Variants in NRG2 observed in about 807,000 individuals in gnomAD.
NRG2 encodes neuregulin 2, also known as pro-neuregulin-2, membrane-bound isoform.
Under a neutral mutation model 73.9 loss-of-function variants are expected in NRG2, and 27 were observed. The observed-to-expected ratio is 0.37, with a 90% CI of 0.27 to 0.50. NRG2 has a LOEUF of 0.50. Among genes scored for constraint, NRG2 ranks in the 20% least tolerant of loss-of-function variants. The pLI is 0.96. For synonymous variants in NRG2, 532 were observed against 541.0 expected, an observed-to-expected ratio of 0.98 and a Z score of 0.23; for missense variants, 1,126 against 1,210.1, an observed-to-expected ratio of 0.93 and a Z score of 1.03.
At chr5:140,019,892 CA>C (rs1760086838) in intron 1 of NRG2, among the ~76,000 whole-genome samples, 1 of 152,278 alleles carries the variant, frequency 6.6e-6, no homozygotes, top group African/African-American at 2.4e-5. Flanking sequence ...GCTGGGATTA[CA>C]GGCACCTACC....
Position 140,010,908 on chromosome 5 carries a change from C to T in NRG2, c.700+31462G>A, listed in dbSNP as rs536208393. ...TTGTTTAAACATTCTTTGAATCTGG[C>T]CCCCCTTCATAAGGCCTACTGCCTT... On this transcript the variant is annotated intron_variant, in intron 1 of 9. Transcript: ENST00000361474. Among the ~76,000 whole-genome samples, 9 of 152,334 alleles carry T rather than the reference C, an allele frequency of 5.9e-5. No homozygotes were observed. The East Asian group carries it at 7.7e-4, about 13-fold the overall frequency.
At chr5:139,958,496 A>G (rs1754804358) in intron 1 of NRG2, among the ~76,000 whole-genome samples, 1 of 152,242 alleles carries the variant, frequency 6.6e-6, no homozygotes, top group Admixed American at 6.5e-5. Flanking sequence ...TGAAAAGGAA[A>G]ACATAACTAT....
At chr5:139,929,975 G>T (rs773062092) in intron 1 of NRG2, among the ~76,000 whole-genome samples, 1 of 152,190 alleles carries the variant, frequency 6.6e-6, no homozygotes, top group Non-Finnish European at 1.5e-5. Flanking sequence ...GTCTGAATTC[G>T]TGATGTCACA....
At chr5:139,957,307 CTGTGTGTGTGTGTGTGTG>C (rs70988722) in intron 1 of NRG2, among the ~76,000 whole-genome samples, 20 of 143,986 alleles carry the variant, frequency 1.4e-4, no homozygotes, top group African/African-American at 4.1e-4. Context: ...TCAAGAATCT[CTGTGTGTGTGTGTGTGTG>C]TGTGTGTGTG....
intron 5 of NRG2, among the ~76,000 whole-genome samples, chr5:139,858,457 C>G (rs11739419): frequency 1.1e-4 from 17 of 152,220 alleles, no homozygotes; most frequent in African/African-American, 3.6e-4. Flanking sequence ...ATTTTATTTT[C>G]TGTGCAGCAC....
chr5:139,896,463 C>A (rs1334066839), intron 1 of NRG2, among the ~76,000 whole-genome samples: 10 of 152,020 alleles, frequency 6.6e-5, no homozygotes. Context: ...AGCTTAGGCA[C>A]CCTGGGAGCT....
Position 140,037,616 on chromosome 5 carries a change from A to C in NRG2, c.700+4754T>G, listed in dbSNP as rs1376677764. ...TTCTCCCTCTGTTGAAAGAAAATTT[A>C]AGACTACTTTGGGCCGGGCGCGGTG... On this transcript the variant is annotated intron_variant, in intron 1 of 9. Coordinates refer to ENST00000361474, the MANE Select transcript of NRG2 (RefSeq NM_004883.3). Among the ~76,000 whole-genome samples the C allele has an allele frequency of 2.6e-5, 4 of 152,186 alleles. No homozygotes were observed. In the East Asian group the frequency reaches 7.7e-4, roughly 29 times the overall value.
At chr5:139,890,384 A>G (rs1318368573) in intron 1 of NRG2, among the ~76,000 whole-genome samples, 2 of 151,936 alleles carry the variant, frequency 1.3e-5, no homozygotes, top group African/African-American at 4.8e-5. Flanking sequence ...CTTTTGCTAC[A>G]AAGTTTTTTC....
intron 1 of NRG2, among the ~76,000 whole-genome samples, chr5:139,952,995 G>A (rs1754336606): frequency 2.0e-5 from 3 of 152,062 alleles, no homozygotes; most frequent in Admixed American, 2.0e-4. Context: ...ATATTACTCT[G>A]GAATATGTGC....
chr5:139,850,402 T>C (rs1761341747), intron 9 of NRG2, among the ~76,000 whole-genome samples: 1 of 152,202 alleles, frequency 6.6e-6, no homozygotes, highest in African/African-American at 2.4e-5. Flanking sequence ...TCTGCCCTGG[T>C]GTGGTGTCAT....
At chr5:140,002,851 A>AT (rs1758597362) in intron 1 of NRG2, among the ~76,000 whole-genome samples, 1 of 152,206 alleles carries the variant, frequency 6.6e-6, no homozygotes, top group Admixed American at 6.5e-5. Context: ...GACCAAGTGG[A>AT]TAATTGGGGA....
Position 139,887,198 on chromosome 5 carries a change from A to C in NRG2, c.872+142T>G. On this transcript the variant is annotated intron_variant, in intron 2 of 9. Coordinates refer to ENST00000361474, the MANE Select transcript of NRG2 (RefSeq NM_004883.3). This position sits in a 1 kb window ranked among gnomAD's most constrained non-coding sequence, Gnocchi z 4.5. Reference sequence around the variant, plus strand: ...GGAAGAAGGCTGGGAGTGGCAAGGAAGGGGAGTATGGAGAGGGGCTGGGAC... The same window carrying C: ...GGAAGAAGGCTGGGAGTGGCAAGGACGGGGAGTATGGAGAGGGGCTGGGAC... 1 of 934,342 alleles carries C rather than the reference A, an allele frequency of 1.1e-6. No homozygotes were observed. The allele number at this position is 934,342 out of a possible 1,614,324, so 57.9% of individuals were successfully genotyped here. A position where few individuals can be genotyped will look rare whatever the true frequency, so the allele number is the denominator to read the frequency against.
At chr5:139,978,566 A>G (rs1756547622) in intron 1 of NRG2, among the ~76,000 whole-genome samples, 2 of 152,180 alleles carry the variant, frequency 1.3e-5, no homozygotes, top group African/African-American at 2.4e-5. Flanking sequence ...AACTAGAAAT[A>G]CCATTTGACC....
At chr5:139,901,134 C>A (rs1764862187) in intron 1 of NRG2, among the ~76,000 whole-genome samples, 1 of 152,216 alleles carries the variant, frequency 6.6e-6, no homozygotes, top group Non-Finnish European at 1.5e-5. Flanking sequence ...ACTGCCCTAC[C>A]CCAGCTGTAC....
intron 9 of NRG2, 74 bp from the exon 10 acceptor site, chr5:139,848,771 T>A (rs375989092): frequency 0.052 from 2,832 of 54,968 alleles, 47 homozygotes; most frequent in East Asian, 0.1. Context: ...GGGGGTGGGG[T>A]AGGGTGGGAG....
rs1015823582 is a variant in NRG2, at chr5:139,894,997, C to A, written c.701-7486G>T. ...GGAGGCAGAAGCTGCACCAGGAGGG[C>A]AGATAAAGAAGAAGGGGAAGGGAGG... is the stretch of plus-strand genomic sequence containing the variant. On this transcript the variant is annotated intron_variant, in intron 1 of 9. Coordinates refer to ENST00000361474, the MANE Select transcript of NRG2 (RefSeq NM_004883.3). The surrounding 1 kb of genome is among the most constrained non-coding windows in gnomAD (Gnocchi z 5.0). 6.6e-6 allele frequency among the ~76,000 whole-genome samples: 1 copy of A among 152,286 alleles called. No individual in the cohort carries two copies. Among genetic ancestry groups the A allele is most frequent in the South Asian group, 2.1e-4 (1 of 4,822 alleles).
chr5:140,023,816 T>G (rs988636495), intron 1 of NRG2, among the ~76,000 whole-genome samples: 1 of 152,188 alleles, frequency 6.6e-6, no homozygotes, highest in African/African-American at 2.4e-5. Flanking sequence ...AGCCTGTTCT[T>G]TCTGTTGACA....
At chr5:139,949,270 CAT>C (rs1377640833) in intron 1 of NRG2, among the ~76,000 whole-genome samples, 1 of 152,134 alleles carries the variant, frequency 6.6e-6, no homozygotes, top group Non-Finnish European at 1.5e-5. Context: ...ATTCCACAGA[CAT>C]ATAATGGTCA....
intron 1 of NRG2, among the ~76,000 whole-genome samples, chr5:139,994,594 T>C (rs1757888473): frequency 6.6e-6 from 1 of 152,242 alleles, no homozygotes; most frequent in African/African-American, 2.4e-5. Flanking sequence ...ATAATACTAC[T>C]GAATTGTATA....
Sources: gnomAD v4.1 joint callset for allele counts (sites outside exome capture counted in the v4.1 genomes callset) on GRCh38, gnomAD v4.1.1 for gene constraint, Gnocchi (gnomAD v3.1) non-coding constraint, MANE v1.5 for transcripts, NCBI Gene and HGNC (gene_info 2026-07-23, HGNC 2026-07-21) for gene names.